PCDHGB2: variants seen among roughly 807,000 people sequenced by gnomAD.
PCDHGB2 encodes the protein protocadherin gamma subfamily B, 2, also known as protocadherin gamma-B2.
In PCDHGB2, 55 loss-of-function variants were observed where a neutral mutation model predicts 59.3. The observed-to-expected ratio is 0.93, with a 90% CI of 0.75 to 1.16. The LOEUF (loss-of-function observed/expected upper bound fraction) is 1.16. Among genes scored for constraint, PCDHGB2 ranks in the 50% most tolerant of loss-of-function variants. The pLI, the probability that PCDHGB2 is intolerant of heterozygous loss-of-function variation, is 0.00. For synonymous variants in PCDHGB2, 516 were observed against 512.0 expected (o/e 1.01, Z -0.11); for missense variants, 1,228 against 1,198.5 (o/e 1.02, Z -0.36).
intron 1 of PCDHGB2, chr5:141,410,939 C>T (rs960754863): frequency 5.1e-5 from 10 of 195,446 alleles, no homozygotes; most frequent in South Asian, 1.1e-4. Flanking sequence ...CTGCAACCTC[C>T]GCCTTCTGGG....
chr5:141,362,184 C>A lies in PCDHGB2; in HGVS notation c.2049C>A (p.Asp683Glu), dbSNP rs1252521454. 3.1e-6 allele frequency: 5 copies of A among 1,613,940 alleles called. No homozygotes were observed. The African/African-American group carries it at 6.7e-5, about 22-fold the overall frequency. The stretch of plus-strand genomic sequence containing the variant: ...TCAGCGACCGCCGGGAGCCCTCTGA[C>A]CCCCAGGCAAAACTGCAGTTTTACC... ...PDLSDRREPS[D>E]PQAKLQFYLV... The change falls in exon 1 of 4, where the codon GAC becomes GAA. Residue 683 changes from aspartate to glutamate, a missense_variant. This residue lies in a region of PCDHGB2 where 433 missense variants were observed against 441.8 expected (regional missense o/e 0.98). Coordinates refer to ENST00000522605, the MANE Select transcript of PCDHGB2 (RefSeq NM_018923.3).
intron 1 of PCDHGB2, chr5:141,427,665 G>A (rs763897261): frequency 1.3e-5 from 10 of 782,298 alleles, no homozygotes; most frequent in Admixed American, 3.9e-5. Flanking sequence ...CCACGTGGCC[G>A]AAAACAACCT....
intron 1 of PCDHGB2, chr5:141,419,409 A>G: frequency 6.2e-7 from 1 of 1,613,462 alleles, no homozygotes; most frequent in Non-Finnish European, 8.5e-7. Flanking sequence ...GTGTTCGCGC[A>G]GCGCGCCTTC....
At chr5:141,393,553 A>G (rs377510269) in intron 1 of PCDHGB2, 2 of 1,613,810 alleles carry the variant, frequency 1.2e-6, no homozygotes, top group African/African-American at 2.7e-5. Context: ...CACCCGATTT[A>G]CCGAGTGAAA....
chr5:141,370,754 T>A, intron 1 of PCDHGB2: 1 of 1,613,980 alleles, frequency 6.2e-7, no homozygotes, highest in Non-Finnish European at 8.5e-7. Flanking sequence ...TTCATGTAAC[T>A]GTGCTGATCC....
chr5:141,410,352 G>T (rs754268147), intron 1 of PCDHGB2: 4 of 1,614,022 alleles, frequency 2.5e-6, no homozygotes, highest in South Asian at 2.2e-5. Flanking sequence ...CGCCTGCGAC[G>T]CTCTCTCAGC....
intron 1 of PCDHGB2, among the ~76,000 whole-genome samples, chr5:141,444,029 A>T (rs977610555): frequency 2.6e-5 from 4 of 152,164 alleles, no homozygotes; most frequent in African/African-American, 9.7e-5. Flanking sequence ...AAAGGAATTC[A>T]GTAAATCAGA....
Position 141,371,610 on chromosome 5 carries a change from A to G in PCDHGB2, c.2421+9054A>G, listed in dbSNP as rs1767883802. 2.5e-6 allele frequency: 4 copies of G among 1,613,888 alleles called. No homozygotes were observed. In the East Asian group the frequency reaches 8.9e-5, roughly 36 times the overall value. On this transcript the variant is annotated intron_variant, in intron 1 of 3. Coordinates refer to ENST00000522605, the MANE Select transcript of PCDHGB2 (RefSeq NM_018923.3). ...TACCAAAAACACATACAGGTTGGTG[A>G]CAGATGGAGCCCTGGACCGGGAGCA...
chr5:141,375,309 C>T, intron 1 of PCDHGB2: 3 of 1,613,840 alleles, frequency 1.9e-6, no homozygotes, highest in Non-Finnish European at 2.5e-6. Context: ...ACAAATGCAG[C>T]TCTAGACCGG....
intron 2 of PCDHGB2, among the ~76,000 whole-genome samples, chr5:141,501,956 A>G (rs527567012): frequency 6.6e-6 from 1 of 152,136 alleles, no homozygotes; most frequent in Non-Finnish European, 1.5e-5. Context: ...GTGACAGGTC[A>G]TCCTCCTAAC....
At chr5:141,374,703 T>C in intron 1 of PCDHGB2, 1 of 1,609,272 alleles carries the variant, frequency 6.2e-7, no homozygotes, top group Non-Finnish European at 8.5e-7. Flanking sequence ...GGAGAAGCCG[T>C]TTACCGCCTG....
intron 1 of PCDHGB2, chr5:141,423,674 C>A (rs57195665): frequency 0.087 from 131,432 of 1,514,090 alleles, 6,254 homozygotes; most frequent in East Asian, 0.14. Flanking sequence ...AGATTTATTT[C>A]TCTGCCTCCT....
intron 1 of PCDHGB2, chr5:141,365,276 C>T: frequency 6.2e-7 from 1 of 1,613,968 alleles, no homozygotes; most frequent in East Asian, 2.2e-5. Flanking sequence ...CAGATTCTAC[C>T]TCATGGAAGT....
chr5:141,396,538 T>C (rs1352031358), intron 1 of PCDHGB2: 1 of 151,514 alleles, frequency 6.6e-6, no homozygotes, highest in Non-Finnish European at 1.5e-5. Flanking sequence ...AAGAATCACT[T>C]GAACCCGGGA....
chr5:141,477,043 G>A lies in PCDHGB2; in HGVS notation c.2422-17764G>A. The A allele has an allele frequency of 6.2e-7, 1 of 1,614,260 alleles. No individual in the cohort carries two copies. Among genetic ancestry groups the A allele is most frequent in the Middle Eastern group, 1.6e-4 (1 of 6,062 alleles). On this transcript the variant is annotated intron_variant, in intron 1 of 3. Coordinates refer to ENST00000522605, the MANE Select transcript of PCDHGB2 (RefSeq NM_018923.3). This position sits in a 1 kb window ranked among gnomAD's most constrained non-coding sequence, Gnocchi z 4.9. The stretch of plus-strand genomic sequence containing the variant: ...CCGGGATGCTGACAATCAAGGGTCG[G>A]CTGGACTTCGAGGACACCAAACTCC...
In PCDHGB2 at chr5:141,432,827, A is replaced by G. The variant is rs758445645; in HGVS notation, c.2422-61980A>G. ...AGCTAACTCTGAAACCTCAGACCTC[A>G]CTCTGTACCTGGTGGTAGCGGTGGC... On this transcript the variant is annotated intron_variant, in intron 1 of 3. Transcript: ENST00000522605. The surrounding 1 kb of genome is among the most constrained non-coding windows in gnomAD (Gnocchi z 6.0). 9 of 1,613,142 alleles carry G rather than the reference A, an allele frequency of 5.6e-6. No individual in the cohort carries two copies. Among genetic ancestry groups the G allele is most frequent in the Admixed American group, 1.7e-5 (1 of 59,958 alleles).
At chr5:141,481,587 G>A (rs1276529821) in intron 1 of PCDHGB2, among the ~76,000 whole-genome samples, 1 of 152,198 alleles carries the variant, frequency 6.6e-6, no homozygotes, top group African/African-American at 2.4e-5. Context: ...GGAGGCTGAG[G>A]CCAGCGGATC....
chr5:141,465,313 T>C (rs113508011), intron 1 of PCDHGB2, among the ~76,000 whole-genome samples: 5 of 152,312 alleles, frequency 3.3e-5, no homozygotes, highest in Admixed American at 6.5e-5. Context: ...AATTTAGCCA[T>C]GTCAATGCAG....
In PCDHGB2 at chr5:141,476,182, G is replaced by A. The variant is rs369561139; in HGVS notation, c.2422-18625G>A. On this transcript the variant is annotated intron_variant, in intron 1 of 3. Coordinates refer to ENST00000522605, the MANE Select transcript of PCDHGB2 (RefSeq NM_018923.3). This position sits in a 1 kb window ranked among gnomAD's most constrained non-coding sequence, Gnocchi z 7.6. ...GGAGGGTAGTGGGAGTTTTGCTTCT[G>A]CTTGGTGCCTTGAACAAGGCTTCCA... 5 of 1,613,554 alleles carry A rather than the reference G, an allele frequency of 3.1e-6. No homozygotes were observed. Among genetic ancestry groups the A allele is most frequent in the Admixed American group, 1.7e-5 (1 of 59,996 alleles).
Sources: allele counts gnomAD v4.1 joint callset (sites outside exome capture counted in the v4.1 genomes callset), GRCh38; gene constraint gnomAD v4.1.1; regional missense constraint gnomAD v4.1.1; non-coding constraint Gnocchi (gnomAD v3.1); transcripts MANE v1.5; gene names NCBI Gene and HGNC (gene_info 2026-07-23, HGNC 2026-07-21).